PCDHA7: variants seen among roughly 807,000 people sequenced by gnomAD.
The protein encoded by PCDHA7 is protocadherin alpha 7.
PCDHA7 carries 37 observed loss-of-function variants against 57.2 expected under a neutral mutation model. The ratio of observed to expected loss-of-function variants is 0.65; its 90% CI spans 0.50 to 0.85. PCDHA7 has a LOEUF of 0.85. Ranked by LOEUF, PCDHA7 falls within the 40% of genes least tolerant of loss-of-function variation. The pLI, the probability that PCDHA7 is intolerant of heterozygous loss-of-function variation, is 0.00. For synonymous variants in PCDHA7, 553 were observed against 558.8 expected (o/e 0.99, Z 0.15); for missense variants, 1,188 against 1,241.8 (o/e 0.96, Z 0.65).
At chr5:140,876,499 G>T in intron 1 of PCDHA7, 1 of 1,614,028 alleles carries the variant, frequency 6.2e-7, no homozygotes, top group South Asian at 1.1e-5. Flanking sequence ...AGTTCTGGAC[G>T]TGAATGACAA....
chr5:140,850,946 T>A (rs2150503431), intron 1 of PCDHA7: 1 of 1,504,084 alleles, frequency 6.6e-7, no homozygotes, highest in East Asian at 2.3e-5. Flanking sequence ...AAAGATATTA[T>A]CGATTACTCC....
intron 3 of PCDHA7, among the ~76,000 whole-genome samples, chr5:141,003,540 T>C (rs2098129225): frequency 6.6e-6 from 1 of 152,188 alleles, no homozygotes; most frequent in Non-Finnish European, 1.5e-5. Flanking sequence ...CTTGAACTCC[T>C]GGCTTCAAGT....
chr5:140,984,230 A>C (rs1329517544), intron 3 of PCDHA7, among the ~76,000 whole-genome samples: 1 of 152,112 alleles, frequency 6.6e-6, no homozygotes, highest in Non-Finnish European at 1.5e-5. Flanking sequence ...GCTCTTATGG[A>C]GGCATTGTAG....
At chr5:140,851,106 C>G in intron 1 of PCDHA7, 1 of 1,294,794 alleles carries the variant, frequency 7.7e-7, no homozygotes, top group South Asian at 2.7e-5. Context: ...TTTTTGGGTG[C>G]TGAATCAATT....
At chr5:140,909,812 A>T (rs1353892202) in intron 1 of PCDHA7, among the ~76,000 whole-genome samples, 1 of 151,982 alleles carries the variant, frequency 6.6e-6, no homozygotes, top group Non-Finnish European at 1.5e-5. Context: ...AAAACTCCAT[A>T]AGCCCCTACT....
At chr5:140,982,191 T>C (rs1431582069) in intron 2 of PCDHA7, among the ~76,000 whole-genome samples, 2 of 152,266 alleles carry the variant, frequency 1.3e-5, no homozygotes, top group Non-Finnish European at 2.9e-5. Flanking sequence ...ATGGGCTTCC[T>C]GTTAGATTTA....
intron 1 of PCDHA7, chr5:140,849,630 G>A: frequency 1.9e-6 from 3 of 1,598,686 alleles, no homozygotes; most frequent in Non-Finnish European, 2.6e-6. Flanking sequence ...CGACCTAGAC[G>A]CAGATGCCAA....
chr5:140,943,998 G>C (rs2093593066), intron 1 of PCDHA7, among the ~76,000 whole-genome samples: 1 of 152,178 alleles, frequency 6.6e-6, no homozygotes, highest in Non-Finnish European at 1.5e-5. Context: ...CAGAACTACT[G>C]AGTACCCCCC....
At chr5:140,945,200 A>G (rs2093757745) in intron 1 of PCDHA7, among the ~76,000 whole-genome samples, 1 of 152,168 alleles carries the variant, frequency 6.6e-6, no homozygotes, top group South Asian at 2.1e-4. Context: ...GCTATTTACA[A>G]TAGCTATGAG....
intron 1 of PCDHA7, chr5:140,871,468 G>C (rs781821721): frequency 6.2e-7 from 1 of 1,602,172 alleles, no homozygotes; most frequent in East Asian, 2.2e-5. Context: ...GGAAAGACAG[G>C]AGCCAGGGTC....
rs183247098 is a variant in PCDHA7 at position 140,949,419 on chromosome 5, T to G, written c.2356-29530T>G. On this transcript the variant is annotated intron_variant, in intron 1 of 3. Coordinates refer to ENST00000525929, the MANE Select transcript of PCDHA7 (RefSeq NM_018910.3). ...TGTTAAAAATCACCTATCATCATTGTGTTTATCTCTTTGTGCCCATTTTTG... is the reference window on the plus strand; with the variant it reads ...TGTTAAAAATCACCTATCATCATTGGGTTTATCTCTTTGTGCCCATTTTTG... Among the ~76,000 whole-genome samples the G allele has an allele frequency of 2.5e-3, 382 of 151,992 alleles. 3 individuals are homozygous for G. The highest frequency in any genetic ancestry group is 0.018 in the South Asian group (86 of 4,828).
chr5:140,844,884 G>A (rs1389205077), intron 1 of PCDHA7, among the ~76,000 whole-genome samples: 2 of 149,232 alleles, frequency 1.3e-5, no homozygotes, highest in South Asian at 2.1e-4. Context: ...ATTAGACTTC[G>A]TGCATATTGC....
At chr5:140,884,550 G>C (rs781916237) in intron 1 of PCDHA7, 2 of 1,614,118 alleles carry the variant, frequency 1.2e-6, no homozygotes, top group Non-Finnish European at 1.7e-6. Flanking sequence ...GTGTGCTCTG[G>C]GGAGGGCCCG....
rs1158226302 is a variant in PCDHA7, at chr5:140,856,812, T to C, written c.2355+20074T>C. 1.9e-6 allele frequency: 3 copies of C among 1,594,276 alleles called. 1 individual carries two copies. Among genetic ancestry groups the C allele is most frequent in the Non-Finnish European group, 2.6e-6 (3 of 1,164,510 alleles). ...GAAGTTAAGATGTATGAAAATCAAG[T>C]GAACCAAACATTAGTAATACGGCTC... On this transcript the variant is annotated intron_variant, in intron 1 of 3. Coordinates refer to ENST00000525929, the MANE Select transcript of PCDHA7 (RefSeq NM_018910.3).
intron 3 of PCDHA7, chr5:140,988,966 GGA>G (rs1339632887): frequency 2.0e-5 from 3 of 152,162 alleles, no homozygotes; most frequent in African/African-American, 7.2e-5. Flanking sequence ...GCCCCACGAT[GGA>G]GAGAAGCAGG....
intron 3 of PCDHA7, among the ~76,000 whole-genome samples, chr5:140,984,667 T>A (rs1554246463): frequency 6.6e-6 from 1 of 152,160 alleles, no homozygotes; most frequent in Non-Finnish European, 1.5e-5. Flanking sequence ...TACTTTTAGG[T>A]TTTTAGGACT....
chr5:140,857,745 C>T lies in PCDHA7; in HGVS notation c.2355+21007C>T. On this transcript the variant is annotated intron_variant, in intron 1 of 3. Coordinates refer to ENST00000525929, the MANE Select transcript of PCDHA7 (RefSeq NM_018910.3). Reference sequence around the variant, plus strand: ...AACGACAACGCTCCCGCGCTGCTGGCGTCTCCCGCTGGCAGCGCGGGCGGT... The same window carrying T: ...AACGACAACGCTCCCGCGCTGCTGGTGTCTCCCGCTGGCAGCGCGGGCGGT... 5.0e-6 allele frequency: 8 copies of T among 1,597,310 alleles called. 1 individual carries two copies. Among genetic ancestry groups the T allele is most frequent in the South Asian group, 1.1e-5 (1 of 90,480 alleles).
At chr5:140,915,770 A>G (rs1215607027) in intron 1 of PCDHA7, among the ~76,000 whole-genome samples, 4 of 151,908 alleles carry the variant, frequency 2.6e-5, no homozygotes, top group African/African-American at 4.8e-5. Context: ...GTCTTGTCCA[A>G]GGCCTGCTGT....
chr5:140,905,963 G>A (rs182775194), intron 1 of PCDHA7, among the ~76,000 whole-genome samples: 9 of 152,308 alleles, frequency 5.9e-5, no homozygotes, highest in Admixed American at 5.9e-4. Flanking sequence ...TCAAGGGGAG[G>A]AAGATCCAGC....
Sources: allele counts gnomAD v4.1 joint callset (sites outside exome capture counted in the v4.1 genomes callset), GRCh38; gene constraint gnomAD v4.1.1; transcripts MANE v1.5; gene names NCBI Gene and HGNC (gene_info 2026-07-23, HGNC 2026-07-21).